The following SEC24A variants were observed in gnomAD, a reference collection of about 807,000 sequenced individuals.
The protein encoded by SEC24A is SEC24 homolog A, COPII component.
A neutral mutation model predicts 129.4 loss-of-function variants in SEC24A; 93 were observed. The observed-to-expected ratio is 0.72, with a 90% CI of 0.61 to 0.85. SEC24A has a LOEUF of 0.85. SEC24A is among the 40% of genes least tolerant of loss of function. The pLI, the probability that SEC24A is intolerant of heterozygous loss-of-function variation, is 0.00. For synonymous variants in SEC24A, 460 were observed against 467.3 expected, an observed-to-expected ratio of 0.98 and a Z score of 0.20; for missense variants, 1,264 against 1,307.4, an observed-to-expected ratio of 0.97 and a Z score of 0.51.
At chr5:134,653,153 A>T (rs1336542777) in intron 1 of SEC24A, among the ~76,000 whole-genome samples, 1 of 151,852 alleles carries the variant, frequency 6.6e-6, no homozygotes, top group Admixed American at 6.6e-5. Context: ...GTTGGCCAGG[A>T]TGGCCTCTAT....
In SEC24A at chr5:134,648,862, C is replaced by G; in HGVS notation, c.-215C>G. 2.4e-6 allele frequency: 1 copy of G among 409,764 alleles called. No individual in the cohort carries two copies. Among genetic ancestry groups the G allele is most frequent in the Non-Finnish European group, 4.5e-6 (1 of 222,250 alleles). The allele number at this position is 409,764 out of a possible 1,614,324, so 25.4% of individuals were successfully genotyped here. A position where few individuals can be genotyped will look rare whatever the true frequency, so the allele number is the denominator to read the frequency against. On this transcript the variant is annotated 5_prime_UTR_variant, in exon 1 of 23. Transcript: ENST00000398844. ...GCCGGGCGTTCGCGGCCCCGCCGGC[C>G]CGACTCTCAAGCCTCAGCTCCCAGG...
rs1469582515 is a variant in SEC24A at position 134,697,029 on chromosome 5, ATTG to A, written c.1987-91_1987-89del. On this transcript the variant is annotated intron_variant, in intron 13 of 22. Coordinates refer to ENST00000398844, the MANE Select transcript of SEC24A (RefSeq NM_021982.3). Reference sequence around the variant, plus strand: ...TGTAGAATGCCCAGAAATAATTGCAATTGTTGTTAACATCATGATGTATGTAGA... The same window carrying A: ...TGTAGAATGCCCAGAAATAATTGCAATTGTTAACATCATGATGTATGTAGA... 4.5e-6 allele frequency: 3 copies of A among 663,278 alleles called. No individual in the cohort carries two copies. The East Asian group carries it at 8.5e-5, about 19-fold the overall frequency. The allele number at this position is 663,278 out of a possible 1,614,324, so 41.1% of individuals were successfully genotyped here. A position where few individuals can be genotyped will look rare whatever the true frequency, so the allele number is the denominator to read the frequency against.
Position 134,674,750 on chromosome 5 carries a change from C to A in SEC24A, c.953C>A (p.Pro318Gln). Residue 318 changes from proline (P) to glutamine (Q), a missense_variant, in exon 5 of 23, where the codon CCA becomes CAA. Pro to Gln is a moderately conservative substitution (Grantham distance 76). Transcript: ENST00000398844. The stretch of plus-strand genomic sequence containing the variant: ...GTACCACCCTCTTCCTTGAATTACC[C>A]AAGTGGGCCACAAGCCTTTACTCAG... ...TGVPPSSLNYPSGPQAFTQTP... is the reference protein window; with the variant it reads ...TGVPPSSLNYQSGPQAFTQTP... 6.2e-7 allele frequency: 1 copy of A among 1,613,618 alleles called. No individual in the cohort carries two copies. Among genetic ancestry groups the A allele is most frequent in the Non-Finnish European group, 8.5e-7 (1 of 1,179,818 alleles).
rs191026040 is a variant in SEC24A, at chr5:134,711,986, A to T, written c.2728-3038A>T. 4.0e-3 allele frequency among the ~76,000 whole-genome samples: 604 copies of T among 151,778 alleles called. 2 individuals carry two copies. Among genetic ancestry groups the T allele is most frequent in the African/African-American group, 0.014 (582 of 41,388 alleles). ...ATGGTCTCGATCTCCTGACCTCGTG[A>T]TCCACCCGCCTCGGCCTCCCAAAGT... On this transcript the variant is annotated intron_variant, in intron 18 of 22. Transcript: ENST00000398844.
rs375782031 is a variant in SEC24A, at chr5:134,674,620, C to T, written c.823C>T (p.Pro275Ser). 20 of 1,612,968 alleles carry T rather than the reference C, an allele frequency of 1.2e-5. No individual in the cohort carries two copies. The highest frequency in any genetic ancestry group is 1.4e-5 in the Non-Finnish European group (17 of 1,179,374). The change falls in exon 5 of 23, where the codon CCA becomes TCA. Residue 275 changes from proline to serine, a missense_variant. Coordinates refer to ENST00000398844, the MANE Select transcript of SEC24A (RefSeq NM_021982.3). ...AAAAGTTACCTTGTTTCTAGCAACA[C>T]CACAGCTTACTAACAAGAATCCCAA... ...EIEGGGLLATPQLTNKNPKMS... is the reference protein window; with the variant it reads ...EIEGGGLLATSQLTNKNPKMS...
rs969514220 is a variant in SEC24A at position 134,717,411 on chromosome 5, G to A, written c.2866-658G>A. On this transcript the variant is annotated intron_variant, in intron 19 of 22. Transcript: ENST00000398844. ...AATCCCAGCTACTCGGGAGGCTGAG[G>A]CAGGAGAATCACTTGAATCTGGGAG... 5.3e-5 allele frequency among the ~76,000 whole-genome samples: 8 copies of A among 152,066 alleles called. No homozygotes were observed. In the East Asian group the frequency reaches 1.4e-3, roughly 26 times the overall value.
intron 12 of SEC24A, 115 bp from the exon 13 acceptor site, chr5:134,693,612 T>C: frequency 6.9e-7 from 1 of 1,458,916 alleles, no homozygotes; most frequent in Non-Finnish European, 9.0e-7. Flanking sequence ...TTAGTGTCTG[T>C]AGATTCTCTG....
chr5:134,693,956 G>A, intron 13 of SEC24A, 23 bp downstream of exon 13: 2 of 1,596,918 alleles, frequency 1.3e-6, no homozygotes, highest in Non-Finnish European at 1.7e-6. Context: ...TGAAATGTCT[G>A]ATAAGGTTTA....
rs1387303215 is a variant in SEC24A, at chr5:134,705,374, A to C, written c.2488A>C (p.Thr830Pro). The C allele has an allele frequency of 5.6e-6, 9 of 1,613,240 alleles. No homozygotes were observed. The highest frequency in any genetic ancestry group is 1.3e-5 in the African/African-American group (1 of 74,810). ...TACTTTGTGTTTGCCAGTAGTTTCG[A>C]CTCTGAATGATGTCTTTCTTGGAGC... ...VHTLCLPVVS[T>P]LNDVFLGADV... The change falls in exon 17 of 23, where the codon ACT becomes CCT. Residue 830 changes from threonine (T) to proline (P), a missense_variant. Physicochemically the swap from Thr to Pro is conservative, Grantham distance 38. Coordinates refer to ENST00000398844, the MANE Select transcript of SEC24A (RefSeq NM_021982.3).
At chr5:134,715,714 A>G (rs1820677) in intron 19 of SEC24A, 22,410 of 153,026 alleles carry the variant, frequency 0.15, 1,862 homozygotes, top group South Asian at 0.37. Flanking sequence ...GACAGAGATC[A>G]TTAGCACAAA....
intron 17 of SEC24A, among the ~76,000 whole-genome samples, chr5:134,706,074 G>C (rs746398189): frequency 4.6e-5 from 7 of 152,012 alleles, no homozygotes; most frequent in Non-Finnish European, 1.0e-4. Context: ...TTTTAGTAGA[G>C]ACAGGGTTTC....
At chr5:134,667,534 G>C (rs1460730737) in intron 3 of SEC24A, among the ~76,000 whole-genome samples, 1 of 151,464 alleles carries the variant, frequency 6.6e-6, no homozygotes, top group East Asian at 1.9e-4. Flanking sequence ...GACTGTAGTA[G>C]TCACAGCTAC....
Position 134,661,512 on chromosome 5 carries a change from A to G in SEC24A, c.491A>G (p.Asn164Ser). The change falls in exon 2 of 23, where the codon AAT becomes AGT. Residue 164 changes from asparagine to serine, a missense_variant. Coordinates refer to ENST00000398844, the MANE Select transcript of SEC24A (RefSeq NM_021982.3). ...RASSQPTVSG[N>S]TSLTTNHQYV... Reference sequence around the variant, plus strand: ...TCATCCCAACCAACTGTATCTGGAAATACAAGTTTAACCACAAATCATCAA... The same window carrying G: ...TCATCCCAACCAACTGTATCTGGAAGTACAAGTTTAACCACAAATCATCAA... 1.2e-6 allele frequency: 2 copies of G among 1,614,192 alleles called. No homozygotes were observed. The highest frequency in any genetic ancestry group is 2.2e-5 in the South Asian group (2 of 91,088).
intron 2 of SEC24A, among the ~76,000 whole-genome samples, chr5:134,664,700 A>G (rs1750591354): frequency 6.6e-6 from 1 of 151,684 alleles, no homozygotes; most frequent in Non-Finnish European, 1.5e-5. Flanking sequence ...AGGGAGTTAC[A>G]TGGCAATAAT....
rs1752438455 is a variant in SEC24A, at chr5:134,715,084, G to T, written c.2788G>T (p.Val930Leu). 1 of 1,612,434 alleles carries T rather than the reference G, an allele frequency of 6.2e-7. No individual in the cohort carries two copies. Among genetic ancestry groups the T allele is most frequent in the Non-Finnish European group, 8.5e-7 (1 of 1,179,614 alleles). The change falls in exon 19 of 23, where the codon GTG becomes TTG. Residue 930 changes from valine to leucine, a missense_variant. Physicochemically the swap from Val to Leu is conservative, Grantham distance 32 (BLOSUM62 1). Transcript: ENST00000398844. Reference protein sequence around the residue: ...LDERIFAMCQVKNQPLVYLML... With the variant: ...LDERIFAMCQLKNQPLVYLML... ...TGAACGCATTTTTGCTATGTGTCAA[G>T]TGAAAAACCAGCCCTTGGTTTACCT...
At chr5:134,684,080 G>A (rs1415964165) in intron 9 of SEC24A, among the ~76,000 whole-genome samples, 1 of 151,916 alleles carries the variant, frequency 6.6e-6, no homozygotes. Context: ...CAAGCCAGAC[G>A]GATTATGAGG....
chr5:134,718,538 C>T (rs1330903040), intron 20 of SEC24A, among the ~76,000 whole-genome samples: 2 of 151,872 alleles, frequency 1.3e-5, no homozygotes, highest in Admixed American at 6.6e-5. Flanking sequence ...ATGTTACTGC[C>T]CCTGGAGACC....
intron 7 of SEC24A, among the ~76,000 whole-genome samples, chr5:134,679,218 G>A (rs1751176224): frequency 6.6e-6 from 1 of 150,818 alleles, no homozygotes; most frequent in Non-Finnish European, 1.5e-5. Flanking sequence ...TCACCACACT[G>A]GGCTAATTTT....
At chr5:134,661,741 A>G (rs554167772) in intron 2 of SEC24A, among the ~76,000 whole-genome samples, 155 bp downstream of exon 2, 87 of 152,172 alleles carry the variant, frequency 5.7e-4, no homozygotes, top group African/African-American at 2.0e-3. Context: ...TCGGCTTTCC[A>G]GCAAAAACCA....
Sources: gnomAD v4.1 joint callset for allele counts (sites outside exome capture counted in the v4.1 genomes callset) on GRCh38, gnomAD v4.1.1 for gene constraint, MANE v1.5 for transcripts, NCBI Gene and HGNC (gene_info 2026-07-23, HGNC 2026-07-21) for gene names.